HK1: variants seen among roughly 807,000 people sequenced by gnomAD.
HK1 encodes the protein hexokinase-1.
Under a neutral mutation model 91.6 loss-of-function variants are expected in HK1, and 28 were observed. The observed-to-expected ratio is 0.31, with a 90% confidence interval of 0.23 to 0.42. The LOEUF is 0.42. Among genes scored for constraint, HK1 ranks in the 10% least tolerant of loss-of-function variants. The pLI, the probability that HK1 is intolerant of heterozygous loss-of-function variation, is 1.00. For synonymous variants in HK1, 430 were observed against 468.1 expected, an observed-to-expected ratio of 0.92 and a Z score of 1.05; for missense variants, 770 against 1,219.8, an observed-to-expected ratio of 0.63 and a Z score of 5.49.
chr10:69,354,418 T>A (rs1324262213), intron 2 of HK1, among the ~76,000 whole-genome samples: 1 of 152,152 alleles, frequency 6.6e-6, no homozygotes, highest in Non-Finnish European at 1.5e-5. Flanking sequence ...AAAGGCATCT[T>A]CCTCACAAAG....
At chr10:69,316,308 A>G (rs1254168508), upstream of HK1, among the ~76,000 whole-genome samples, 1 of 152,160 alleles carries the variant, frequency 6.6e-6, no homozygotes, top group East Asian at 1.9e-4. Flanking sequence ...GATTTAGGGA[A>G]GGGTCATGAC....
intron 17 of HK1, among the ~76,000 whole-genome samples, chr10:69,399,793 T>G (rs1250481127): frequency 6.6e-6 from 1 of 152,008 alleles, no homozygotes; most frequent in Non-Finnish European, 1.5e-5. Flanking sequence ...CAGTCAAGAG[T>G]GCTAATAATT....
chr10:69,386,597 T>C (rs1839643585), intron 13 of HK1, 179 bp downstream of exon 13: 2 of 470,264 alleles, frequency 4.3e-6, no homozygotes, highest in Admixed American at 3.1e-5. Flanking sequence ...GCCCGGGCAA[T>C]ATGGTGAAAC....
chr10:69,327,913 CTG>C (rs558937428), intron 1 of HK1, among the ~76,000 whole-genome samples: 58 of 152,334 alleles, frequency 3.8e-4, no homozygotes, highest in African/African-American at 1.2e-3. Flanking sequence ...ACTGCTGCTG[CTG>C]AGATATCTGC....
At chr10:69,343,790 C>A (rs750465616) in intron 1 of HK1, 37 bp from the exon 2 acceptor site, 9 of 1,571,290 alleles carry the variant, frequency 5.7e-6, no homozygotes, top group African/African-American at 1.4e-5. Context: ...TGTCCTCCCC[C>A]TCGACCTCAC....
At chr10:69,331,107 T>C (rs1160746068) in intron 1 of HK1, among the ~76,000 whole-genome samples, 1 of 152,200 alleles carries the variant, frequency 6.6e-6, no homozygotes, top group East Asian at 1.9e-4. Flanking sequence ...CTCGAACTCC[T>C]GGCCTCAAGT....
At chr10:69,353,757 C>G (rs534185726) in intron 2 of HK1, among the ~76,000 whole-genome samples, 1 of 152,300 alleles carries the variant, frequency 6.6e-6, no homozygotes, top group African/African-American at 2.4e-5. Flanking sequence ...CTCCCATGCC[C>G]CTCCCTGTGT....
chr10:69,300,629 G>T, intron 4 of HK1: 1 of 729,964 alleles, frequency 1.4e-6, no homozygotes, highest in Non-Finnish European at 2.5e-6. Flanking sequence ...TGCCTGTGAG[G>T]TTCACAACAA....
chr10:69,359,445 G>A (rs1398628905), intron 2 of HK1, among the ~76,000 whole-genome samples: 1 of 152,192 alleles, frequency 6.6e-6, no homozygotes, highest in Non-Finnish European at 1.5e-5. Context: ...CAGAACCCTG[G>A]AATAATTGAT....
chr10:69,297,979 G>C (rs941918596), intron 4 of HK1, among the ~76,000 whole-genome samples: 4 of 151,424 alleles, frequency 2.6e-5, no homozygotes, highest in Non-Finnish European at 5.9e-5. Context: ...GGGAGGCCGA[G>C]GCAGATGTAT....
At chr10:69,368,336 T>A (rs1353970038) in intron 4 of HK1, among the ~76,000 whole-genome samples, 200 bp from the exon 5 acceptor site, 1 of 152,244 alleles carries the variant, frequency 6.6e-6, no homozygotes, top group Non-Finnish European at 1.5e-5. Context: ...ACCCTATCTT[T>A]GCCCCCAGAG....
At chr10:69,352,237 C>T (rs894067128) in intron 2 of HK1, among the ~76,000 whole-genome samples, 2 of 152,072 alleles carry the variant, frequency 1.3e-5, no homozygotes, top group Non-Finnish European at 2.9e-5. Context: ...AAGTGATCCA[C>T]CCGCCTCAGC....
intron 13 of HK1, among the ~76,000 whole-genome samples, 161 bp from the exon 14 acceptor site, chr10:69,389,036 G>A (rs1839776833): frequency 6.6e-6 from 1 of 152,220 alleles, no homozygotes; most frequent in Admixed American, 6.5e-5. Context: ...CAGGGGTTTA[G>A]TCTGTGAAGG....
chr10:69,392,376 C>T, intron 15 of HK1, 68 bp downstream of exon 15: 1 of 1,536,212 alleles, frequency 6.5e-7, no homozygotes, highest in South Asian at 1.1e-5. Context: ...CATTCTGCCA[C>T]TTGCAGTGGA....
chr10:69,299,026 C>A (rs61869982), intron 4 of HK1, among the ~76,000 whole-genome samples: 3,342 of 150,964 alleles, frequency 0.022, 66 homozygotes, highest in Non-Finnish European at 0.036. Flanking sequence ...TGCAACCTCT[C>A]CCTCCTGGGT....
chr10:69,282,215 T>G (rs924871098), intron 1 of HK1, among the ~76,000 whole-genome samples: 1 of 152,196 alleles, frequency 6.6e-6, no homozygotes, highest in African/African-American at 2.4e-5. Flanking sequence ...CTTAGCACAA[T>G]CCCTGGCTCA....
At chr10:69,292,585 C>T (rs577462853) in intron 3 of HK1, among the ~76,000 whole-genome samples, 1 of 152,146 alleles carries the variant, frequency 6.6e-6, no homozygotes, top group African/African-American at 2.4e-5. Context: ...TCCCTTCTCA[C>T]CCACTAATAG....
At chr10:69,270,144 TTC>T (rs1362023067) in intron 1 of HK1, 2 of 152,214 alleles carry the variant, frequency 1.3e-5, no homozygotes, top group African/African-American at 2.4e-5. Context: ...AAGACTATTT[TTC>T]TCTCTCTTTT....
intron 1 of HK1, among the ~76,000 whole-genome samples, chr10:69,334,327 G>A (rs926639533): frequency 4.6e-5 from 7 of 152,136 alleles, no homozygotes; most frequent in African/African-American, 1.7e-4. Context: ...TCACTGAGGA[G>A]CCCTGCGGTG....
Sources: allele counts gnomAD v4.1 joint callset (sites outside exome capture counted in the v4.1 genomes callset), GRCh38; gene constraint gnomAD v4.1.1; transcripts MANE v1.5; gene names NCBI Gene and HGNC (gene_info 2026-07-23, HGNC 2026-07-21).